IQUB: variants seen among roughly 807,000 people sequenced by gnomAD.
The protein encoded by IQUB is IQ motif and ubiquitin domain containing.
A neutral mutation model predicts 86.4 loss-of-function variants in IQUB; 86 were observed. The ratio of observed to expected loss-of-function variants is 1.00; its 90% CI spans 0.84 to 1.19. The LOEUF (loss-of-function observed/expected upper bound fraction) is 1.19. IQUB is among the 50% of genes most tolerant of loss of function. IQUB has a pLI of 0.00. For missense variants in IQUB, 946 were observed against 916.9 expected (o/e 1.03, Z -0.41); for synonymous variants, 289 against 304.5 (o/e 0.95, Z 0.53).
chr7:123,487,448 G>C (rs1795258724), intron 7 of IQUB, among the ~76,000 whole-genome samples: 1 of 152,206 alleles, frequency 6.6e-6, no homozygotes, highest in Admixed American at 6.5e-5. Flanking sequence ...ACTCTGTGAA[G>C]TGATGTGCAG....
chr7:123,512,163 C>A lies in IQUB; in HGVS notation c.178G>T (p.Val60Phe). 1 of 1,614,068 alleles carries A rather than the reference C, an allele frequency of 6.2e-7. No individual in the cohort carries two copies. The highest frequency in any genetic ancestry group is 8.5e-7 in the Non-Finnish European group (1 of 1,179,948). ...EQFSESHAIH[V>F]EEQSDQSFSS... ...AAGCTTTGGTCACTCTGCTCCTCAACATGTATTGCATGGCTCTCACTGAAT... is the reference window on the plus strand; with the variant it reads ...AAGCTTTGGTCACTCTGCTCCTCAAAATGTATTGCATGGCTCTCACTGAAT... The change falls in exon 2 of 13, where the codon GTT becomes TTT. Residue 60 changes from valine to phenylalanine, a missense_variant. Transcript: ENST00000324698.
At chr7:123,464,220 T>C (rs1794139598) in intron 10 of IQUB, among the ~76,000 whole-genome samples, 1 of 151,838 alleles carries the variant, frequency 6.6e-6, no homozygotes, top group South Asian at 2.1e-4. Context: ...AAGAAGGCAA[T>C]GAAGCATTTG....
chr7:123,522,029 G>A (rs1162175407), intron 1 of IQUB, among the ~76,000 whole-genome samples: 3 of 151,876 alleles, frequency 2.0e-5, no homozygotes, highest in South Asian at 2.1e-4. Context: ...AGAAGCAATC[G>A]GCCATGGGTC....
rs538267953 is a variant in IQUB, at chr7:123,512,179, C to A, written c.162G>T (p.Glu54Asp). The change falls in exon 2 of 13, where the codon GAG (glutamate) becomes GAT (aspartate). Residue 54 changes from glutamate (E) to aspartate (D), a missense_variant. By Grantham distance (45) the Glu-to-Asp change is conservative. Transcript: ENST00000324698. The part of the protein sequence containing the change: ...EHESGIEQFS[E>D]SHAIHVEEQS... ...GCTCCTCAACATGTATTGCATGGCTCTCACTGAATTGTTCTATTCCAGATT... is the reference window on the plus strand; with the variant it reads ...GCTCCTCAACATGTATTGCATGGCTATCACTGAATTGTTCTATTCCAGATT... 1.5e-5 allele frequency: 25 copies of A among 1,614,072 alleles called. No individual in the cohort carries two copies. The South Asian group carries it at 2.3e-4, about 15-fold the overall frequency.
At chr7:123,469,427 A>C in intron 8 of IQUB, 43 bp from the exon 9 acceptor site, 2 of 1,180,750 alleles carry the variant, frequency 1.7e-6, no homozygotes, top group Non-Finnish European at 1.2e-6. Context: ...TTAATTAGAA[A>C]CTACGTATAA....
chr7:123,502,956 A>G lies in IQUB; in HGVS notation c.855T>C (p.Cys285=), dbSNP rs1180912556. 1.2e-6 allele frequency: 2 copies of G among 1,610,714 alleles called. No homozygotes were observed. The highest frequency in any genetic ancestry group is 2.2e-5 in the East Asian group (1 of 44,812). The change falls in exon 5 of 13, where the codon TGT becomes TGC. Residue 285 remains cysteine, a synonymous_variant. Transcript: ENST00000324698. ...ATAAAAACATTACCTGCGTATCCCT[A>G]CAAAATATACTGAGTCTTTCGGGAA... ...KRIPERLSIF[C]RDTQTVFQKK... is the part of the protein sequence containing the mutation.
At position 123,461,382 on chromosome 7, in the gene IQUB, T is replaced by A; in HGVS notation, c.1982A>T (p.Asp661Val). The A allele has an allele frequency of 2.5e-6, 4 of 1,607,362 alleles. No homozygotes were observed. Among genetic ancestry groups the A allele is most frequent in the Non-Finnish European group, 3.4e-6 (4 of 1,174,876 alleles). Residue 661 changes from aspartate (D) to valine (V), a missense_variant, in exon 11 of 13, where the codon GAT (aspartate) becomes GTT (valine). By Grantham distance (152) the Asp-to-Val change is radical. Coordinates refer to ENST00000324698, the MANE Select transcript of IQUB (RefSeq NM_178827.5). Reference sequence around the variant, plus strand: ...CTGCATCAAGAAAGCAATTTTAGAATCATCTTCATAATCAGCTTCTGTATA... The same window carrying A: ...CTGCATCAAGAAAGCAATTTTAGAAACATCTTCATAATCAGCTTCTGTATA... ...LYYTEADYED[D>V]SKIAFLMQLQ...
chr7:123,512,253 G>T lies in IQUB; in HGVS notation c.88C>A (p.Pro30Thr). Residue 30 changes from proline (P) to threonine (T), a missense_variant, in exon 2 of 13, where the codon CCA (proline) becomes ACA (threonine). Coordinates refer to ENST00000324698, the MANE Select transcript of IQUB (RefSeq NM_178827.5). ...SDDAFDTVTIPVPSEEPQESD... is the reference protein window; with the variant it reads ...SDDAFDTVTITVPSEEPQESD... ...TCTTGAGGCTCTTCTGAGGGAACTG[G>T]AATAGTGACAGTATCAAAAGCATCA... The T allele has an allele frequency of 6.2e-7, 1 of 1,613,104 alleles. No individual in the cohort carries two copies. Among genetic ancestry groups the T allele is most frequent in the Non-Finnish European group, 8.5e-7 (1 of 1,179,234 alleles).
intron 12 of IQUB, among the ~76,000 whole-genome samples, chr7:123,455,407 A>G (rs147037917): frequency 9.5e-4 from 145 of 152,220 alleles, no homozygotes; most frequent in African/African-American, 3.3e-3. Context: ...TACTTTCTAC[A>G]TTACATTTTT....
chr7:123,460,851 T>C (rs1209309068), intron 11 of IQUB, among the ~76,000 whole-genome samples: 2 of 151,760 alleles, frequency 1.3e-5, no homozygotes, highest in Non-Finnish European at 2.9e-5. Flanking sequence ...GAGAAGCAGA[T>C]TACGTAGGGT....
At chr7:123,528,957 AAAG>A (rs1797391702) in intron 1 of IQUB, among the ~76,000 whole-genome samples, 1 of 152,224 alleles carries the variant, frequency 6.6e-6, no homozygotes, top group Non-Finnish European at 1.5e-5. Flanking sequence ...TGTAAATAAC[AAAG>A]TACACATATT....
chr7:123,516,030 G>A (rs1796621059), intron 1 of IQUB, among the ~76,000 whole-genome samples: 1 of 152,124 alleles, frequency 6.6e-6, no homozygotes, highest in Non-Finnish European at 1.5e-5. Flanking sequence ...AAAATGTATA[G>A]CACTGCAGAC....
chr7:123,512,333 T>A lies in IQUB; in HGVS notation c.8A>T (p.Asn3Ile). 1 of 1,549,054 alleles carries A rather than the reference T, an allele frequency of 6.5e-7. No homozygotes were observed. Among genetic ancestry groups the A allele is most frequent in the Non-Finnish European group, 8.8e-7 (1 of 1,141,208 alleles). ...CTGAGCTTCATACTTCTCCTGTTGA[T>A]TAGACATTTTCCTGAATTAAGAAAA... Reference protein sequence around the residue: MSNQQEKYEAQNI... With the variant: MSIQQEKYEAQNI... Residue 3 changes from asparagine (N) to isoleucine (I), a missense_variant, in exon 2 of 13, where the codon AAT becomes ATT. Transcript: ENST00000324698.
chr7:123,502,567 A>G, intron 6 of IQUB, 30 bp downstream of exon 6: 3 of 1,590,138 alleles, frequency 1.9e-6, no homozygotes, highest in Non-Finnish European at 2.6e-6. Context: ...TCAAATTTTT[A>G]GTATTCATCC....
At chr7:123,515,606 A>C (rs2117284403) in intron 1 of IQUB, among the ~76,000 whole-genome samples, 1 of 152,338 alleles carries the variant, frequency 6.6e-6, no homozygotes, top group African/African-American at 2.4e-5. Flanking sequence ...CATCATTTGC[A>C]TCACCCTAGT....
At chr7:123,474,279 G>A (rs1303520667) in intron 8 of IQUB, among the ~76,000 whole-genome samples, 1 of 152,146 alleles carries the variant, frequency 6.6e-6, no homozygotes, top group African/African-American at 2.4e-5. Context: ...ATTCACATAT[G>A]GCACTGGTTG....
At chr7:123,466,685 A>C (rs1794278194) in intron 9 of IQUB, among the ~76,000 whole-genome samples, 1 of 152,150 alleles carries the variant, frequency 6.6e-6, no homozygotes, top group Admixed American at 6.5e-5. Flanking sequence ...TACAGTTAGG[A>C]GTAAAGAAAC....
At chr7:123,470,010 G>A (rs1199671099) in intron 8 of IQUB, among the ~76,000 whole-genome samples, 1 of 152,080 alleles carries the variant, frequency 6.6e-6, no homozygotes, top group Non-Finnish European at 1.5e-5. Flanking sequence ...ATCTGGCTTG[G>A]TGCCTCCCAA....
intron 8 of IQUB, among the ~76,000 whole-genome samples, chr7:123,479,119 G>A (rs1382048128): frequency 6.6e-6 from 1 of 152,022 alleles, no homozygotes; most frequent in Non-Finnish European, 1.5e-5. Flanking sequence ...AGCACTACAG[G>A]CTAACATCTT....
Sources: allele counts gnomAD v4.1 joint callset (sites outside exome capture counted in the v4.1 genomes callset), GRCh38; gene constraint gnomAD v4.1.1; transcripts MANE v1.5; gene names NCBI Gene and HGNC (gene_info 2026-07-23, HGNC 2026-07-21).